The following SLC12A4 variants were observed in gnomAD, a reference collection of about 807,000 sequenced individuals.
The protein encoded by SLC12A4 is electroneutral potassium-chloride cotransporter 1.
In SLC12A4, 84 loss-of-function variants were observed where a neutral mutation model predicts 119.2. The observed-to-expected ratio is 0.70, with a 90% CI of 0.59 to 0.85. SLC12A4 has a LOEUF of 0.85. SLC12A4 is among the 40% of genes least tolerant of loss of function. SLC12A4 has a pLI of 0.00. For synonymous variants in SLC12A4, 599 were observed against 604.6 expected (o/e 0.99, Z 0.14); for missense variants, 1,298 against 1,476.3 (o/e 0.88, Z 1.98).
chr16:67,961,551 C>T (rs1451147453), intron 3 of SLC12A4, 24 bp downstream of exon 3: 1 of 1,609,012 alleles, frequency 6.2e-7, no homozygotes, highest in East Asian at 2.2e-5. Context: ...AGGTGTGGCC[C>T]CTCTGCCGCC....
Position 67,951,736 on chromosome 16 carries a change from A to T in SLC12A4, c.1132+87T>A. 2 of 1,244,434 alleles carry T rather than the reference A, an allele frequency of 1.6e-6. No individual in the cohort carries two copies. Among genetic ancestry groups the T allele is most frequent in the Non-Finnish European group, 2.3e-6 (2 of 887,332 alleles). The allele number at this position is 1,244,434 out of a possible 1,614,324, so 77.1% of individuals were successfully genotyped here. On this transcript the variant is annotated intron_variant, in intron 8 of 23. Transcript: ENST00000316341. The surrounding 1 kb of genome is among the most constrained non-coding windows in gnomAD (Gnocchi z 5.2). ...GGCGGCCAGTCCTGCCCCCGTTCCC[A>T]AGCTGGCCACACAAGGACAGCTCTG...
intron 1 of SLC12A4, among the ~76,000 whole-genome samples, chr16:67,965,140 G>A (rs2030806141): frequency 6.6e-6 from 1 of 152,190 alleles, no homozygotes; most frequent in African/African-American, 2.4e-5. Context: ...TTAAAGCCAG[G>A]CGGGGTCATG....
At chr16:67,955,558 C>T (rs1198984379) in intron 5 of SLC12A4, among the ~76,000 whole-genome samples, 2 of 151,562 alleles carry the variant, frequency 1.3e-5, no homozygotes, top group African/African-American at 2.4e-5. Context: ...CCCGTCTCTA[C>T]TAAAAAAAGG....
intron 3 of SLC12A4, among the ~76,000 whole-genome samples, chr16:67,960,657 A>G (rs1436395677): frequency 2.0e-5 from 3 of 151,244 alleles, no homozygotes; most frequent in African/African-American, 7.3e-5. Context: ...ACTGCTTCCC[A>G]AACCTCAGGG....
chr16:67,953,989 CTG>C (rs2030097369), intron 6 of SLC12A4: 1 of 191,186 alleles, frequency 5.2e-6, no homozygotes, highest in Non-Finnish European at 1.1e-5. Context: ...CAGGGTCCTG[CTG>C]CAGGTAGAGG....
intron 1 of SLC12A4, chr16:67,964,152 G>T (rs2030751561): frequency 2.1e-6 from 3 of 1,452,100 alleles, no homozygotes; most frequent in Non-Finnish European, 2.7e-6. Context: ...TGGATTCCAG[G>T]AGCCTTCTAG....
chr16:67,962,098 T>G, intron 2 of SLC12A4: 1 of 166,502 alleles, frequency 6.0e-6, no homozygotes, highest in Non-Finnish European at 1.3e-5. Context: ...ACGCCTACCC[T>G]CCCCACAAAA....
chr16:67,954,777 C>T lies in SLC12A4; in HGVS notation c.545-4G>A, dbSNP rs780698901. The T allele has an allele frequency of 6.2e-7, 1 of 1,614,192 alleles. No homozygotes were observed. The highest frequency in any genetic ancestry group is 8.5e-7 in the Non-Finnish European group (1 of 1,180,036). ...ATCATGAAATAGGAGCCCCCAGCTA[C>T]AGCAGAGAAATGAAAGTGTGCACAG... On this transcript the variant is annotated splice_polypyrimidine_tract_variant and splice_region_variant and intron_variant, in intron 5 of 23. Transcript: ENST00000316341.
In SLC12A4 at chr16:67,946,273, G is replaced by C. The variant is rs1226959722; in HGVS notation, c.2505C>G (p.Pro835=). 1 of 1,613,488 alleles carries C rather than the reference G, an allele frequency of 6.2e-7. No homozygotes were observed. Among genetic ancestry groups the C allele is most frequent in the Non-Finnish European group, 8.5e-7 (1 of 1,180,026 alleles). The change falls in exon 19 of 24, where the codon CCC becomes CCG. Residue 835 remains proline (P), a synonymous_variant. Coordinates refer to ENST00000316341, the MANE Select transcript of SLC12A4 (RefSeq NM_005072.5). ...CCTCCAGGTAGCGCTCGTGGTTGCT[G>C]GGGTAGAAGGCGATGTTCTTGGGCA... ...LLVPKNIAFY[P]SNHERYLEGH...
intron 6 of SLC12A4, chr16:67,954,167 T>C (rs962386883): frequency 2.5e-6 from 1 of 403,270 alleles, no homozygotes; most frequent in East Asian, 8.7e-5. Context: ...AGAGCTCCCA[T>C]GGGGCTCGTG....
Position 67,951,480 on chromosome 16 carries a change from G to C in SLC12A4, c.1133-176C>G, listed in dbSNP as rs1026329378. ...CTGACCACAGAGAAGGAGCTGCCCAGCTAGAAGTCGACAGACAAAGGTGGC... is the reference window on the plus strand; with the variant it reads ...CTGACCACAGAGAAGGAGCTGCCCACCTAGAAGTCGACAGACAAAGGTGGC... On this transcript the variant is annotated intron_variant, in intron 8 of 23. Transcript: ENST00000316341. The surrounding 1 kb of genome is among the most constrained non-coding windows in gnomAD (Gnocchi z 5.2). The C allele has an allele frequency of 1.4e-6, 1 of 716,786 alleles. No homozygotes were observed. Among genetic ancestry groups the C allele is most frequent in the African/African-American group, 1.8e-5 (1 of 55,946 alleles). The allele number at this position is 716,786 out of a possible 1,614,324, so 44.4% of individuals were successfully genotyped here.
chr16:67,947,999 GCCTCACCC>G, intron 14 of SLC12A4, 54 bp downstream of exon 14: 1 of 1,567,794 alleles, frequency 6.4e-7, no homozygotes, highest in Non-Finnish European at 8.8e-7. Flanking sequence ...GGAAACCCAA[GCCTCACCC>G]AGAATGAGGC....
rs2058318741 is a variant in SLC12A4 at position 67,944,537 on chromosome 16, T to TGGGCC, written c.*298_*302dup. The TGGGCC allele has an allele frequency of 3.9e-6, 5 of 1,289,196 alleles. No homozygotes were observed. The highest frequency in any genetic ancestry group is 3.9e-6 in the Non-Finnish European group (4 of 1,017,518). 79.9% of individuals were successfully genotyped at this position (1,289,196 alleles called of 1,614,324 possible). On this transcript the variant is annotated 3_prime_UTR_variant, in exon 24 of 24. Transcript: ENST00000316341. The surrounding 1 kb of genome is among the most constrained non-coding windows in gnomAD (Gnocchi z 6.6). ...TATGCAATAAATAGCGCTCCTGGGCTGGGCCGGGCCGGCTGCCTTCAAACC... is the reference window on the plus strand; with the variant it reads ...TATGCAATAAATAGCGCTCCTGGGCTGGGCCGGGCCGGGCCGGCTGCCTTCAAACC...
intron 3 of SLC12A4, among the ~76,000 whole-genome samples, chr16:67,958,604 G>C (rs1314005567): frequency 6.6e-6 from 1 of 152,100 alleles, no homozygotes; most frequent in African/African-American, 2.4e-5. Flanking sequence ...GTAGGTCTCT[G>C]AAAGCAAGTC....
chr16:67,951,024 C>T lies in SLC12A4; in HGVS notation c.1334G>A (p.Arg445His), dbSNP rs181632629. Residue 445 changes from arginine to histidine, a missense_variant, in exon 10 of 24, where the codon CGT becomes CAT. By Grantham distance (29) the Arg-to-His change is conservative. Coordinates refer to ENST00000316341, the MANE Select transcript of SLC12A4 (RefSeq NM_005072.5). This position sits in a 1 kb window ranked among gnomAD's most constrained non-coding sequence, Gnocchi z 5.2. ...CACAGGGATAGACTTCTGGGCGTCA[C>T]GAAGGTCCCCAGAGCGGTTTGAGCC... Reference protein sequence around the residue: ...MAGSNRSGDLRDAQKSIPVGT... With the variant: ...MAGSNRSGDLHDAQKSIPVGT... 3.5e-5 allele frequency: 57 copies of T among 1,613,914 alleles called. No homozygotes were observed. The highest frequency in any genetic ancestry group is 4.6e-5 in the Non-Finnish European group (54 of 1,180,018).
chr16:67,951,183 T>C lies in SLC12A4; in HGVS notation c.1254A>G (p.Thr418=), dbSNP rs1411192016. Residue 418 remains threonine (T), a synonymous_variant, in exon 9 of 24, where the codon ACA becomes ACG. Coordinates refer to ENST00000316341, the MANE Select transcript of SLC12A4 (RefSeq NM_005072.5). This position sits in a 1 kb window ranked among gnomAD's most constrained non-coding sequence, Gnocchi z 5.2. ...LPLYVVADIA[T]SFTVLVGIFF... is the part of the protein sequence containing the mutation. ...AGATGCCGACCAGCACGGTGAAGGA[T>C]GTGGCGATGTCAGCGACCACGTACA... 6.2e-7 allele frequency: 1 copy of C among 1,613,956 alleles called. No homozygotes were observed. The highest frequency in any genetic ancestry group is 1.1e-5 in the South Asian group (1 of 91,080).
At chr16:67,964,141 G>C in intron 1 of SLC12A4, 3 of 1,471,462 alleles carry the variant, frequency 2.0e-6, no homozygotes, top group Non-Finnish European at 2.7e-6. Context: ...GAGAGCGGAA[G>C]TGGATTCCAG....
chr16:67,957,516 T>C (rs1365736110), intron 5 of SLC12A4: 2 of 582,134 alleles, frequency 3.4e-6, no homozygotes, highest in Non-Finnish European at 6.1e-6. Flanking sequence ...CATTGCCCTT[T>C]TTTTTTCTTT....
At chr16:67,961,548 G>A (rs552786243) in intron 3 of SLC12A4, 27 bp downstream of exon 3, 3 of 1,608,238 alleles carry the variant, frequency 1.9e-6, no homozygotes, top group African/African-American at 2.7e-5. Context: ...CCCAGGTGTG[G>A]CCCCTCTGCC....
Sources: gnomAD v4.1 joint callset for allele counts (sites outside exome capture counted in the v4.1 genomes callset) on GRCh38, gnomAD v4.1.1 for gene constraint, Gnocchi (gnomAD v3.1) non-coding constraint, MANE v1.5 for transcripts, NCBI Gene and HGNC (gene_info 2026-07-23, HGNC 2026-07-21) for gene names.